Variants in KIF5C observed in about 807,000 individuals in gnomAD.
KIF5C encodes kinesin family member 5C.
KIF5C carries 18 observed loss-of-function variants against 125.2 expected under a neutral mutation model. The ratio of observed to expected loss-of-function variants is 0.14; its 90% confidence interval spans 0.10 to 0.21. The LOEUF is 0.21. KIF5C is among the 10% of genes least tolerant of loss of function. KIF5C has a pLI of 1.00. For missense variants in KIF5C, 780 were observed against 1,183.8 expected (o/e 0.66, Z 5.01); for synonymous variants, 405 against 434.0 (o/e 0.93, Z 0.83).
chr2:148,885,685 A>G lies in KIF5C; in HGVS notation c.126+9942A>G, dbSNP rs77408559. 3.9e-5 allele frequency: 6 copies of G among 152,330 alleles called. No individual in the cohort carries two copies. In the East Asian group the frequency reaches 1.2e-3, roughly 29 times the overall value. The allele number at this position is 152,330 out of a possible 1,614,324, so 9.4% of individuals were successfully genotyped here. A position where few individuals can be genotyped will look rare whatever the true frequency, so the allele number is the denominator to read the frequency against. Reference sequence around the variant, plus strand: ...GTTTGTAGTTCTCTTTTTATGTTTCATATTCCTCTTCTCATTAAAGAAAAA... The same window carrying G: ...GTTTGTAGTTCTCTTTTTATGTTTCGTATTCCTCTTCTCATTAAAGAAAAA... On this transcript the variant is annotated intron_variant, in intron 1 of 25. Coordinates refer to ENST00000435030, the MANE Select transcript of KIF5C (RefSeq NM_004522.3).
At chr2:148,979,060 AGGAATTTAATTG>A in intron 13 of KIF5C, 70 bp downstream of exon 13, 4 of 1,422,712 alleles carry the variant, frequency 2.8e-6, no homozygotes, top group Non-Finnish European at 9.3e-7. Flanking sequence ...TGTTTGTTCC[AGGAATTTAATTG>A]GCATAGAAGC....
chr2:149,010,845 A>G (rs1227843669), intron 24 of KIF5C, among the ~76,000 whole-genome samples: 1 of 152,218 alleles, frequency 6.6e-6, no homozygotes, highest in Non-Finnish European at 1.5e-5. Context: ...AGGCTGGCAC[A>G]GAACCTGGGG....
intron 23 of KIF5C, among the ~76,000 whole-genome samples, chr2:149,009,625 T>C (rs1682122334): frequency 1.3e-5 from 2 of 152,156 alleles, no homozygotes; most frequent in African/African-American, 4.8e-5. Flanking sequence ...TCTCCTCCTC[T>C]TACCTTAGCC....
At chr2:148,976,793 C>G (rs72866048) in intron 12 of KIF5C, among the ~76,000 whole-genome samples, 2,596 of 151,174 alleles carry the variant, frequency 0.017, 39 homozygotes, top group Non-Finnish European at 0.026. Context: ...GTTGCTCAGG[C>G]TGGTCTCGGA....
At chr2:149,022,926 AAAAC>A (rs1038254945) in intron 25 of KIF5C, among the ~76,000 whole-genome samples, 148 bp from the exon 26 acceptor site, 4 of 152,166 alleles carry the variant, frequency 2.6e-5, no homozygotes, top group Admixed American at 6.5e-5. Context: ...CTCCATCTCA[AAAAC>A]AAACAAACAA....
chr2:148,976,879 C>T (rs1268264229), intron 12 of KIF5C, among the ~76,000 whole-genome samples: 3 of 152,144 alleles, frequency 2.0e-5, no homozygotes, highest in Non-Finnish European at 2.9e-5. Flanking sequence ...CTGTAACTGG[C>T]CTTATGTTAT....
At chr2:148,976,681 C>T (rs1574805942) in intron 12 of KIF5C, among the ~76,000 whole-genome samples, 2 of 150,978 alleles carry the variant, frequency 1.3e-5, no homozygotes, top group South Asian at 4.2e-4. Context: ...CTCAAGCCAT[C>T]CACCTGCCTC....
intron 3 of KIF5C, among the ~76,000 whole-genome samples, chr2:148,932,052 T>C (rs1682196450): frequency 6.6e-6 from 1 of 152,080 alleles, no homozygotes; most frequent in African/African-American, 2.4e-5. Context: ...AGGTAGGGGA[T>C]ATTTTCAGAG....
intron 13 of KIF5C, among the ~76,000 whole-genome samples, chr2:148,980,941 C>T (rs1220370900): frequency 6.6e-6 from 1 of 151,074 alleles, no homozygotes; most frequent in Non-Finnish European, 1.5e-5. Flanking sequence ...AACTCTTGAC[C>T]TCAGGTAATC....
At chr2:148,890,162 A>G (rs1218724563) in intron 1 of KIF5C, among the ~76,000 whole-genome samples, 2 of 152,180 alleles carry the variant, frequency 1.3e-5, no homozygotes, top group Non-Finnish European at 2.9e-5. Flanking sequence ...TTTATAAGCT[A>G]TAAATAATAA....
At chr2:148,942,038 C>T (rs1682421875) in intron 6 of KIF5C, 48 bp downstream of exon 6, 1 of 1,594,906 alleles carries the variant, frequency 6.3e-7, no homozygotes, top group Admixed American at 1.7e-5. Flanking sequence ...TCTCCAGTCT[C>T]TGTCATAATA....
intron 12 of KIF5C, 112 bp from the exon 13 acceptor site, chr2:148,978,810 A>G: frequency 1.4e-6 from 2 of 1,382,268 alleles, no homozygotes; most frequent in Non-Finnish European, 1.9e-6. Flanking sequence ...GTAACACCAC[A>G]CTATTCCTTC....
Position 148,876,948 on chromosome 2 carries a change from C to T in KIF5C, c.126+1205C>T, listed in dbSNP as rs1209404842. ...ATCACTGAGCATGCTCCGACTAACC[C>T]CCTCCTCCCCTTCCTCCAGTGGCTG... is the stretch of plus-strand genomic sequence containing the variant. On this transcript the variant is annotated intron_variant, in intron 1 of 25. Coordinates refer to ENST00000435030, the MANE Select transcript of KIF5C (RefSeq NM_004522.3). The surrounding 1 kb of genome is among the most constrained non-coding windows in gnomAD (Gnocchi z 4.7). 6.6e-6 allele frequency among the ~76,000 whole-genome samples: 1 copy of T among 152,206 alleles called. No homozygotes were observed. Among genetic ancestry groups the T allele is most frequent in the African/African-American group, 2.4e-5 (1 of 41,444 alleles).
chr2:149,017,906 G>A (rs968344564), intron 25 of KIF5C, among the ~76,000 whole-genome samples: 1 of 152,150 alleles, frequency 6.6e-6, no homozygotes, highest in Non-Finnish European at 1.5e-5. Context: ...ATAATTTAAT[G>A]AAAGAAGGGC....
At chr2:148,918,494 G>T (rs1351205777) in intron 1 of KIF5C, among the ~76,000 whole-genome samples, 1 of 152,176 alleles carries the variant, frequency 6.6e-6, no homozygotes, top group Non-Finnish European at 1.5e-5. Context: ...ACCTGGGTGG[G>T]GTTGGGGCTC....
chr2:148,952,580 A>G (rs1328591811), intron 10 of KIF5C, among the ~76,000 whole-genome samples: 1 of 152,126 alleles, frequency 6.6e-6, no homozygotes, highest in African/African-American at 2.4e-5. Flanking sequence ...AACATGTAGG[A>G]TGTCCTAGGA....
intron 15 of KIF5C, among the ~76,000 whole-genome samples, chr2:148,984,856 T>C (rs145282099): frequency 0.024 from 3,678 of 152,294 alleles, 137 homozygotes; most frequent in African/African-American, 0.077. Context: ...AGTGGCGCAA[T>C]CTCAGCTCAC....
intron 15 of KIF5C, among the ~76,000 whole-genome samples, 153 bp downstream of exon 15, chr2:148,983,919 ATGAC>A (rs1374249792): frequency 6.6e-6 from 1 of 152,230 alleles, no homozygotes; most frequent in African/African-American, 2.4e-5. Flanking sequence ...GGCTAATTGA[ATGAC>A]TGAGTGAATT....
chr2:148,936,561 G>A (rs1036651327), intron 3 of KIF5C, among the ~76,000 whole-genome samples: 4 of 152,154 alleles, frequency 2.6e-5, no homozygotes, highest in Non-Finnish European at 4.4e-5. Flanking sequence ...CCTTAAAAAT[G>A]GATTTGGTAA....
Sources: gnomAD v4.1 joint callset for allele counts (sites outside exome capture counted in the v4.1 genomes callset) on GRCh38, gnomAD v4.1.1 for gene constraint, Gnocchi (gnomAD v3.1) non-coding constraint, MANE v1.5 for transcripts, NCBI Gene and HGNC (gene_info 2026-07-23, HGNC 2026-07-21) for gene names.